Variants in CHN2 observed in about 807,000 individuals in gnomAD.
CHN2 encodes beta-chimaerin.
A neutral mutation model predicts 56.3 loss-of-function variants in CHN2; 35 were observed. The observed-to-expected ratio is 0.62, with a 90% CI of 0.47 to 0.82. CHN2 has a LOEUF of 0.82. Ranked by LOEUF, CHN2 falls within the 40% of genes least tolerant of loss-of-function variation. CHN2 has a pLI of 0.00. For missense variants in CHN2, 491 were observed against 580.5 expected (o/e 0.85, Z 1.58); for synonymous variants, 210 against 212.8 (o/e 0.99, Z 0.12).
At chr7:29,440,068 G>C (rs1783519036) in intron 6 of CHN2, among the ~76,000 whole-genome samples, 1 of 152,162 alleles carries the variant, frequency 6.6e-6, no homozygotes, top group Non-Finnish European at 1.5e-5. Flanking sequence ...AAGAAAGCGA[G>C]ACTCCTAGTA....
At chr7:29,158,510 GTGTAGCCTAGTCTT>G (rs1474590395) in intron 2 of CHN2, among the ~76,000 whole-genome samples, 1 of 109,512 alleles carries the variant, frequency 9.1e-6, no homozygotes, top group African/African-American at 3.4e-5. Flanking sequence ...TTATTTTATT[GTGTAGCCTAGTCTT>G]TATGTGATAA....
intron 1 of CHN2, among the ~76,000 whole-genome samples, chr7:29,306,384 C>T (rs914657416): frequency 1.3e-5 from 2 of 152,158 alleles, no homozygotes; most frequent in South Asian, 2.1e-4. Context: ...AAAGGAGGAA[C>T]GCACTGATTG....
At position 29,151,178 on chromosome 7, in the gene CHN2, A is replaced by C. The variant is rs1390525434; in HGVS notation, c.274+4218A>C. Among the ~76,000 whole-genome samples, 4 of 152,210 alleles carry C rather than the reference A, an allele frequency of 2.6e-5. No individual in the cohort carries two copies. In the East Asian group the frequency reaches 7.7e-4, roughly 29 times the overall value. On this transcript the variant is annotated intron_variant, in intron 2 of 6. Coordinates refer to the CHN2 transcript ENST00000439384. ...AGACTAGCCACAGGCTACAGACTCCAGGGAAGTTGTGGATAATTACATGGT... is the reference window on the plus strand; with the variant it reads ...AGACTAGCCACAGGCTACAGACTCCCGGGAAGTTGTGGATAATTACATGGT...
At chr7:29,332,162 G>A (rs947482889) in intron 1 of CHN2, among the ~76,000 whole-genome samples, 10 of 152,296 alleles carry the variant, frequency 6.6e-5, no homozygotes, top group East Asian at 1.9e-4. Flanking sequence ...GAGAACTCCC[G>A]CAGTGGCGCG....
intron 2 of CHN2, among the ~76,000 whole-genome samples, chr7:29,156,150 G>GT (rs1794337509): frequency 6.6e-6 from 1 of 152,188 alleles, no homozygotes; most frequent in African/African-American, 2.4e-5. Context: ...TTACTTTTGA[G>GT]TTTTTTGACA....
At chr7:29,462,449 G>C (rs1785235772) in intron 6 of CHN2, among the ~76,000 whole-genome samples, 1 of 152,194 alleles carries the variant, frequency 6.6e-6, no homozygotes, top group Non-Finnish European at 1.5e-5. Flanking sequence ...CTTCATCTGA[G>C]AAGACTCAAA....
At chr7:29,174,867 A>AG (rs1324487016) in intron 2 of CHN2, among the ~76,000 whole-genome samples, 7 of 152,150 alleles carry the variant, frequency 4.6e-5, no homozygotes, top group Non-Finnish European at 8.8e-5. Flanking sequence ...ATCTAAAAAA[A>AG]AAAAAAAAAG....
At chr7:29,358,494 G>C (rs12700957) in intron 2 of CHN2, among the ~76,000 whole-genome samples, 2 of 151,550 alleles carry the variant, frequency 1.3e-5, no homozygotes, top group Non-Finnish European at 2.9e-5. Flanking sequence ...ATGGAGTCTC[G>C]CTCTTTCACC....
intron 2 of CHN2, among the ~76,000 whole-genome samples, chr7:29,184,104 C>G (rs1798405697): frequency 6.6e-6 from 1 of 150,796 alleles, no homozygotes; most frequent in Non-Finnish European, 1.5e-5. Flanking sequence ...GATCCAATCT[C>G]CCATGGATAC....
intron 1 of CHN2, among the ~76,000 whole-genome samples, chr7:29,351,242 T>C (rs936888080): frequency 6.6e-6 from 1 of 152,202 alleles, no homozygotes; most frequent in Non-Finnish European, 1.5e-5. Context: ...TAACCTCCTT[T>C]GAATTATTTA....
chr7:29,412,320 CTTTTTTTT>C (rs1158746299), intron 6 of CHN2, among the ~76,000 whole-genome samples: 294 of 69,482 alleles, frequency 4.2e-3, no homozygotes, highest in African/African-American at 0.016. Flanking sequence ...GCTAAAGAGT[CTTTTTTTT>C]TTTTTTTTTT....
intron 5 of CHN2, chr7:29,400,137 G>A (rs1585266694): frequency 4.7e-6 from 1 of 213,496 alleles, no homozygotes; most frequent in East Asian, 1.3e-4. Context: ...AGGAGAGCTG[G>A]TTCCCGTTAA....
chr7:29,381,716 C>A (rs1185275369), intron 3 of CHN2, among the ~76,000 whole-genome samples: 1 of 149,448 alleles, frequency 6.7e-6, no homozygotes, highest in Non-Finnish European at 1.5e-5. Context: ...ACCTTACAGA[C>A]ACCCTGGCTC....
At chr7:29,175,690 G>A (rs1409332272) in intron 2 of CHN2, among the ~76,000 whole-genome samples, 2 of 152,050 alleles carry the variant, frequency 1.3e-5, no homozygotes, top group African/African-American at 4.8e-5. Context: ...CAGATAAATT[G>A]ATTGATAGCC....
intron 1 of CHN2, among the ~76,000 whole-genome samples, chr7:29,276,800 T>C (rs1214065624): frequency 6.6e-6 from 1 of 152,206 alleles, no homozygotes; most frequent in Non-Finnish European, 1.5e-5. Flanking sequence ...TGATGCCAGT[T>C]TGAGGTGCAG....
At position 29,301,389 on chromosome 7, in the gene CHN2, A is replaced by G. The variant is rs1793648784; in HGVS notation, c.50-53236A>G. Among the ~76,000 whole-genome samples the G allele has an allele frequency of 5.1e-5, 7 of 136,152 alleles. No individual in the cohort carries two copies. The Admixed American group carries it at 5.3e-4, about 10-fold the overall frequency. The allele number at this position is 136,152 out of a possible 152,430, so 89.3% of individuals were successfully genotyped here. ...CACACACACACACACACACACACACAGTTTTTTGGATTCATCTGGAATCTA... is the reference window on the plus strand; with the variant it reads ...CACACACACACACACACACACACACGGTTTTTTGGATTCATCTGGAATCTA... On this transcript the variant is annotated intron_variant, in intron 1 of 12. Coordinates refer to ENST00000222792, the MANE Select transcript of CHN2 (RefSeq NM_004067.4).
intron 2 of CHN2, among the ~76,000 whole-genome samples, chr7:29,182,995 A>T (rs754187259): frequency 6.6e-6 from 1 of 152,168 alleles, no homozygotes; most frequent in Non-Finnish European, 1.5e-5. Context: ...GAAGGGATAT[A>T]TGAAAACAGC....
At chr7:29,315,704 A>G (rs1165669769) in intron 1 of CHN2, among the ~76,000 whole-genome samples, 2 of 152,150 alleles carry the variant, frequency 1.3e-5, no homozygotes, top group Admixed American at 6.5e-5. Context: ...CTATTTCTCA[A>G]CCTCTCACTT....
At chr7:29,213,092 C>A in intron 1 of CHN2, 2 of 1,603,538 alleles carry the variant, frequency 1.2e-6, no homozygotes, top group Non-Finnish European at 1.7e-6. Flanking sequence ...GACTTGGAGG[C>A]TGCCTTGGAA....
Sources: gnomAD v4.1 joint callset for allele counts (sites outside exome capture counted in the v4.1 genomes callset) on GRCh38, gnomAD v4.1.1 for gene constraint, MANE v1.5 for transcripts, NCBI Gene and HGNC (gene_info 2026-07-23, HGNC 2026-07-21) for gene names.